The following BRI3 variants were observed in gnomAD, a reference collection of about 807,000 sequenced individuals.
The protein encoded by BRI3 is membrane protein BRI3.
In BRI3, 6 loss-of-function variants were observed where a neutral mutation model predicts 12.8. The observed-to-expected ratio is 0.47, with a 90% CI of 0.26 to 0.93. BRI3 has a LOEUF of 0.93. Ranked by LOEUF, BRI3 falls within the 40% of genes least tolerant of loss-of-function variation. The pLI is 0.15. For missense variants in BRI3, 134 were observed against 171.1 expected (o/e 0.78, Z 1.21); for synonymous variants, 91 against 76.1 (o/e 1.20, Z -1.02).
chr7:98,315,153 G>A (rs746439666), downstream of BRI3, among the ~76,000 whole-genome samples: 4 of 152,132 alleles, frequency 2.6e-5, no homozygotes, highest in Admixed American at 6.5e-5. Context: ...ACAGGGTCCC[G>A]CTCTGTTGCT....
downstream of BRI3, among the ~76,000 whole-genome samples, chr7:98,297,029 G>A (rs966748984): frequency 1.1e-4 from 17 of 152,202 alleles, no homozygotes; most frequent in African/African-American, 4.1e-4. Flanking sequence ...AGGGCCCCGC[G>A]GGCACTGCCT....
the BRI3 span, chr7:98,320,258 G>A: frequency 3.1e-6 from 5 of 1,610,102 alleles, no homozygotes; most frequent in Non-Finnish European, 4.2e-6. Flanking sequence ...GACTCTCGTT[G>A]AGTTTCTTGT....
upstream of BRI3, chr7:98,304,261 C>T (rs1385670427): frequency 1.2e-6 from 2 of 1,613,760 alleles, no homozygotes; most frequent in Non-Finnish European, 1.7e-6. Context: ...GCCGAATCTG[C>T]TCTCCTGTCG....
upstream of BRI3, chr7:98,304,079 G>A: frequency 8.9e-7 from 1 of 1,125,282 alleles, no homozygotes; most frequent in Non-Finnish European, 1.2e-6. Flanking sequence ...TCCTCCCCGG[G>A]GACACCACTC....
At chr7:98,315,614 TAAAAAAAAA>T in the BRI3 span, 18 of 772,460 alleles carry the variant, frequency 2.3e-5, no homozygotes, top group Admixed American at 2.6e-4. Context: ...CTCCACATAC[TAAAAAAAAA>T]AAAATAATAA....
At chr7:98,298,167 G>A (rs1018242752) in intron 1 of BRI3, among the ~76,000 whole-genome samples, 6 of 152,238 alleles carry the variant, frequency 3.9e-5, no homozygotes, top group Non-Finnish European at 8.8e-5. Context: ...CCTGCTCTCA[G>A]ATCGTCTAAT....
intron 2 of BRI3, among the ~76,000 whole-genome samples, chr7:98,286,192 A>G (rs181065194): frequency 6.6e-6 from 1 of 152,246 alleles, no homozygotes; most frequent in African/African-American, 2.4e-5. Flanking sequence ...AGCCTCCTGT[A>G]AAGTGCCTGT....
At chr7:98,322,672 C>A in the BRI3 span, among the ~76,000 whole-genome samples, 1 of 152,182 alleles carries the variant, frequency 6.6e-6, no homozygotes, top group Non-Finnish European at 1.5e-5. Context: ...CCACCCCCAG[C>A]ACTCACGTCC....
At chr7:98,307,460 G>C (rs1800701249) in intron 1 of BRI3, 4 of 1,401,304 alleles carry the variant, frequency 2.9e-6, no homozygotes, top group Middle Eastern at 2.7e-4. Context: ...TCAGACAGGT[G>C]ACTTCATACG....
upstream of BRI3, chr7:98,304,382 A>AC: frequency 1.2e-6 from 2 of 1,613,530 alleles, no homozygotes; most frequent in Non-Finnish European, 1.7e-6. Context: ...TGGGGCTCAA[A>AC]CCCAAAAAGG....
At chr7:98,300,694 C>A (rs566109321) in intron 1 of BRI3, among the ~76,000 whole-genome samples, 1 of 152,116 alleles carries the variant, frequency 6.6e-6, no homozygotes, top group Non-Finnish European at 1.5e-5. Context: ...GAAGCACCAC[C>A]GTGAGGTGCG....
chr7:98,317,195 A>G, the BRI3 span: 3 of 1,613,980 alleles, frequency 1.9e-6, no homozygotes, highest in Non-Finnish European at 1.7e-6. Context: ...ACAAAAGAAA[A>G]CAAGATATTG....
chr7:98,298,689 G>A (rs745822662), intron 1 of BRI3, among the ~76,000 whole-genome samples: 6 of 152,160 alleles, frequency 3.9e-5, no homozygotes, highest in African/African-American at 1.4e-4. Context: ...ATATAACACA[G>A]CTTTCCCCAA....
In BRI3 at chr7:98,291,358, C is replaced by G; in HGVS notation, c.*115C>G. ...GACTGTTTTGTAAAGCGAGGTGGGA[C>G]CGATGTGGCACACGCCAGCTGCGGT... On this transcript the variant is annotated 3_prime_UTR_variant, in exon 3 of 3. Coordinates refer to ENST00000297290, the MANE Select transcript of BRI3 (RefSeq NM_015379.5). 6.6e-7 allele frequency: 1 copy of G among 1,521,828 alleles called. No homozygotes were observed. 94.3% of individuals were successfully genotyped at this position (1,521,828 alleles called of 1,614,324 possible).
intron 2 of BRI3, among the ~76,000 whole-genome samples, chr7:98,286,599 T>G (rs1176846724): frequency 1.3e-5 from 2 of 152,266 alleles, no homozygotes; most frequent in Non-Finnish European, 2.9e-5. Flanking sequence ...CCGCAGGTGT[T>G]CCGGGGCAGG....
intron 1 of BRI3, chr7:98,307,054 T>C: frequency 6.2e-6 from 1 of 160,836 alleles, no homozygotes; most frequent in East Asian, 1.8e-4. Flanking sequence ...ACTACCTACG[T>C]GCTAAACCTT....
At chr7:98,307,393 A>T in intron 1 of BRI3, 1 of 1,221,766 alleles carries the variant, frequency 8.2e-7, no homozygotes, top group South Asian at 1.6e-5. Context: ...AGCATGAGCC[A>T]CTGCACTGGC....
exon 2 of BRI3, chr7:98,309,613 G>A (rs1800796778): frequency 6.6e-6 from 1 of 152,228 alleles, no homozygotes; most frequent in Non-Finnish European, 1.5e-5. Context: ...CCTCTACTGG[G>A]CCATCCTAGT....
the BRI3 span, chr7:98,317,501 C>A: frequency 1.1e-6 from 1 of 914,130 alleles, no homozygotes; most frequent in East Asian, 2.5e-5. Flanking sequence ...GCTGGGGCCC[C>A]CACACCCACA....
Sources: allele counts gnomAD v4.1 joint callset (sites outside exome capture counted in the v4.1 genomes callset), GRCh38; gene constraint gnomAD v4.1.1; transcripts MANE v1.5; gene names NCBI Gene and HGNC (gene_info 2026-07-23, HGNC 2026-07-21).